Variants in YEATS2 observed in about 807,000 individuals in gnomAD.
YEATS2 encodes the protein YEATS domain containing 2.
A neutral mutation model predicts 163.2 loss-of-function variants in YEATS2; 77 were observed. That is an observed-to-expected ratio of 0.47 (90% CI 0.39 to 0.57). The LOEUF (loss-of-function observed/expected upper bound fraction) is 0.57. Ranked by LOEUF, YEATS2 falls within the 20% of genes least tolerant of loss-of-function variation. The probability of loss-of-function intolerance (pLI) is 0.00; values close to 1 mark genes in which losing one functional copy is unlikely to be tolerated. For synonymous variants in YEATS2, 631 were observed against 645.1 expected (o/e 0.98, Z 0.33); for missense variants, 1,549 against 1,729.8 (o/e 0.90, Z 1.85).
Position 183,786,284 on chromosome 3 carries a change from A to G in YEATS2, c.2896A>G (p.Asn966Asp). 1.2e-6 allele frequency: 2 copies of G among 1,613,406 alleles called. No individual in the cohort carries two copies. The highest frequency in any genetic ancestry group is 1.7e-6 in the Non-Finnish European group (2 of 1,179,510). Residue 966 changes from asparagine (N) to aspartate (D), a missense_variant, in exon 20 of 31, where the codon AAC (asparagine) becomes GAC (aspartate). Asn to Asp is a conservative substitution (Grantham distance 23, BLOSUM62 1). Coordinates refer to ENST00000305135, the MANE Select transcript of YEATS2 (RefSeq NM_018023.5). The stretch of plus-strand genomic sequence containing the variant: ...TTCCCCTGCCGTGGCCCTCTCAGCA[A>G]ACGGTCCTGCACAACAGGTGAGAAA... The part of the protein sequence containing the change: ...ATSPAVALSA[N>D]GPAQQSEGMA...
intron 19 of YEATS2, among the ~76,000 whole-genome samples, chr3:183,784,956 G>T (rs1241074620): frequency 6.6e-6 from 1 of 151,780 alleles, no homozygotes; most frequent in African/African-American, 2.4e-5. Context: ...ACCTGTAATC[G>T]CAGCTACTCG....
Position 183,730,073 on chromosome 3 carries a change from T to G in YEATS2, c.812+1222T>G, listed in dbSNP as rs1379574658. Among the ~76,000 whole-genome samples the G allele has an allele frequency of 9.2e-4, 109 of 118,708 alleles. 2 individuals carry two copies. The highest frequency in any genetic ancestry group is 3.4e-3 in the African/African-American group (99 of 29,460). 77.9% of individuals were successfully genotyped at this position (118,708 alleles called of 152,430 possible). A position where few individuals can be genotyped will look rare whatever the true frequency, so the allele number is the denominator to read the frequency against. ...GTTTGTTTTTTTTTTTTTTTTTTTT[T>G]TTTTTTTTTTTTTTGGAGACACATC... On this transcript the variant is annotated intron_variant, in intron 7 of 30. Coordinates refer to ENST00000305135, the MANE Select transcript of YEATS2 (RefSeq NM_018023.5).
At position 183,700,726 on chromosome 3, in the gene YEATS2, G is replaced by A. The variant is rs1332120182; in HGVS notation, c.-20+2733G>A. Among the ~76,000 whole-genome samples the A allele has an allele frequency of 2.4e-5, 3 of 127,288 alleles. No homozygotes were observed. The Admixed American group carries it at 3.0e-4, about 13-fold the overall frequency. 83.5% of individuals were successfully genotyped at this position (127,288 alleles called of 152,430 possible). ...GTGGAGGTTGCAGTGAACGGAGATCGCGCCACTGCACTCCAGCCTGGGCGA... is the reference window on the plus strand; with the variant it reads ...GTGGAGGTTGCAGTGAACGGAGATCACGCCACTGCACTCCAGCCTGGGCGA... On this transcript the variant is annotated intron_variant, in intron 1 of 30. Transcript: ENST00000305135.
chr3:183,758,483 A>T (rs1045746099), intron 12 of YEATS2, among the ~76,000 whole-genome samples: 2 of 152,206 alleles, frequency 1.3e-5, no homozygotes, highest in African/African-American at 4.8e-5. Context: ...ATTATGTTGT[A>T]GTGTCTTTTA....
intron 19 of YEATS2, among the ~76,000 whole-genome samples, chr3:183,782,043 A>G (rs184922029): frequency 6.6e-6 from 1 of 152,134 alleles, no homozygotes; most frequent in East Asian, 1.9e-4. Context: ...ATTCAACGTA[A>G]TGTTTCCAAG....
intron 15 of YEATS2, among the ~76,000 whole-genome samples, chr3:183,768,544 T>C (rs1487236714): frequency 6.6e-6 from 1 of 152,136 alleles, no homozygotes; most frequent in Admixed American, 6.6e-5. Context: ...AAGAAGGGTT[T>C]TTTTTTTCTT....
At chr3:183,750,967 T>C (rs1720100362) in intron 9 of YEATS2, among the ~76,000 whole-genome samples, 1 of 152,216 alleles carries the variant, frequency 6.6e-6, no homozygotes, top group Non-Finnish European at 1.5e-5. Context: ...GTCCCGTTTG[T>C]CTATTTTTTA....
intron 20 of YEATS2, among the ~76,000 whole-genome samples, chr3:183,789,818 C>T (rs550238624): frequency 1.1e-4 from 16 of 152,168 alleles, no homozygotes; most frequent in African/African-American, 3.9e-4. Flanking sequence ...GGATTATAGG[C>T]ATGAGCCACT....
At chr3:183,717,532 C>G in intron 2 of YEATS2, 119 bp from the exon 3 acceptor site, 1 of 675,506 alleles carries the variant, frequency 1.5e-6, no homozygotes. Context: ...AGGTGATGTC[C>G]ACTAGGTTTC....
intron 1 of YEATS2, among the ~76,000 whole-genome samples, chr3:183,703,639 A>G (rs969566694): frequency 2.0e-5 from 3 of 152,150 alleles, no homozygotes; most frequent in Non-Finnish European, 4.4e-5. Flanking sequence ...AGAAATTTTA[A>G]TTGACATTGA....
intron 10 of YEATS2, among the ~76,000 whole-genome samples, chr3:183,753,872 G>A (rs1177573172): frequency 6.6e-6 from 1 of 151,892 alleles, no homozygotes; most frequent in Non-Finnish European, 1.5e-5. Context: ...AAGAACTTTT[G>A]TTCTTTTTAT....
At chr3:183,782,230 C>T (rs1271491746) in intron 19 of YEATS2, among the ~76,000 whole-genome samples, 5 of 152,206 alleles carry the variant, frequency 3.3e-5, no homozygotes, top group African/African-American at 1.2e-4. Context: ...CTGCCTCAGC[C>T]TCCCGAGTAG....
At chr3:183,721,864 T>G (rs116502703) in intron 4 of YEATS2, 27 bp from the exon 5 acceptor site, 2 of 1,607,558 alleles carry the variant, frequency 1.2e-6, no homozygotes, top group East Asian at 2.2e-5. Flanking sequence ...GATTAAAAAT[T>G]TATTTGCTTG....
chr3:183,731,674 G>C (rs1204501339), intron 7 of YEATS2, among the ~76,000 whole-genome samples: 2 of 152,214 alleles, frequency 1.3e-5, no homozygotes, highest in Non-Finnish European at 2.9e-5. Context: ...GGATTGTGCT[G>C]CAGCTCCTTA....
rs944909058 is a variant in YEATS2, at chr3:183,812,405, C to T, written c.*1822C>T. On this transcript the variant is annotated 3_prime_UTR_variant, in exon 31 of 31. Coordinates refer to ENST00000305135, the MANE Select transcript of YEATS2 (RefSeq NM_018023.5). ...TAGGGAAGTGGATAGATTGCTTCAG[C>T]AAAGTGAACTGTGAGATCTCCAGGA... 1 of 152,532 alleles carries T rather than the reference C, an allele frequency of 6.6e-6. No homozygotes were observed. Among genetic ancestry groups the T allele is most frequent in the Non-Finnish European group, 1.5e-5 (1 of 68,050 alleles). The allele number at this position is 152,532 out of a possible 1,614,324, so 9.4% of individuals were successfully genotyped here. A position where few individuals can be genotyped will look rare whatever the true frequency, so the allele number is the denominator to read the frequency against.
chr3:183,765,243 G>A (rs1388611999), intron 15 of YEATS2, among the ~76,000 whole-genome samples: 1 of 152,194 alleles, frequency 6.6e-6, no homozygotes, highest in African/African-American at 2.4e-5. Flanking sequence ...GCTTCACATA[G>A]GGATATGTGG....
At chr3:183,792,340 C>A (rs1187897928) in intron 21 of YEATS2, among the ~76,000 whole-genome samples, 9 of 152,078 alleles carry the variant, frequency 5.9e-5, no homozygotes, top group African/African-American at 2.2e-4. Flanking sequence ...GTTCCCCTCC[C>A]TGTGTCGATG....
rs564929166 is a variant in YEATS2, at chr3:183,750,698, C to T, written c.970-1375C>T. Among the ~76,000 whole-genome samples, 172 of 152,246 alleles carry T rather than the reference C, an allele frequency of 1.1e-3. 1 individual carries two copies. The South Asian group carries it at 0.013, about 12-fold the overall frequency. On this transcript the variant is annotated intron_variant, in intron 9 of 30. Coordinates refer to ENST00000305135, the MANE Select transcript of YEATS2 (RefSeq NM_018023.5). ...TCATTAGTGATGTTGAGGATCCCTT[C>T]ATGTGTTTGGTGACCATGTGTTTAT...
intron 21 of YEATS2, among the ~76,000 whole-genome samples, chr3:183,794,320 G>C (rs1465823322): frequency 6.6e-6 from 1 of 152,218 alleles, no homozygotes; most frequent in African/African-American, 2.4e-5. Context: ...GGCATGAACT[G>C]CTACTTTCAA....
Sources: allele counts gnomAD v4.1 joint callset (sites outside exome capture counted in the v4.1 genomes callset), GRCh38; gene constraint gnomAD v4.1.1; transcripts MANE v1.5; gene names NCBI Gene and HGNC (gene_info 2026-07-23, HGNC 2026-07-21).